RAB43: variants seen among roughly 807,000 people sequenced by gnomAD.
RAB43 encodes RAB43, member RAS oncogene family.
In RAB43, 6 loss-of-function variants were observed where a neutral mutation model predicts 18.8. The observed-to-expected ratio is 0.32, with a 90% CI of 0.17 to 0.63. RAB43 has a LOEUF of 0.63. RAB43 is among the 30% of genes least tolerant of loss of function. The pLI is 0.79. For synonymous variants in RAB43, 103 were observed against 124.1 expected, an observed-to-expected ratio of 0.83 and a Z score of 1.13; for missense variants, 195 against 289.1, an observed-to-expected ratio of 0.67 and a Z score of 2.36.
chr3:129,112,298 A>G (rs1307079936), intron 1 of RAB43, among the ~76,000 whole-genome samples: 1 of 152,040 alleles, frequency 6.6e-6, no homozygotes, highest in African/African-American at 2.4e-5. Flanking sequence ...AAAAACCCCC[A>G]AAATCAAAGT....
At chr3:129,099,731 T>C (rs761521947) in intron 1 of RAB43, among the ~76,000 whole-genome samples, 37 of 151,760 alleles carry the variant, frequency 2.4e-4, no homozygotes, top group Non-Finnish European at 5.0e-4. Context: ...CTAAAAATTA[T>C]AGTAAGTGGA....
chr3:129,092,441 G>A (rs1933723115), intron 2 of RAB43: 2 of 671,904 alleles, frequency 3.0e-6, no homozygotes, highest in East Asian at 5.7e-5. Flanking sequence ...GCTGAAGCAG[G>A]GTAATGGGTA....
intron 2 of RAB43, among the ~76,000 whole-genome samples, chr3:129,094,686 T>A (rs1933917503): frequency 6.6e-6 from 1 of 151,410 alleles, no homozygotes; most frequent in African/African-American, 2.4e-5. Flanking sequence ...GGCTAATTTT[T>A]TTTTATTTTT....
At chr3:129,115,788 T>C (rs778367880) in intron 1 of RAB43, among the ~76,000 whole-genome samples, 1 of 152,106 alleles carries the variant, frequency 6.6e-6, no homozygotes, top group Non-Finnish European at 1.5e-5. Flanking sequence ...ACCACTCCAC[T>C]CCCTCCTGGA....
At chr3:129,102,466 TA>T (rs1332717246) in intron 1 of RAB43, among the ~76,000 whole-genome samples, 1 of 151,734 alleles carries the variant, frequency 6.6e-6, no homozygotes, top group East Asian at 1.9e-4. Flanking sequence ...CCGTCTCTAC[TA>T]AAAATACAAA....
At chr3:129,096,719 G>T (rs1188137771) in intron 1 of RAB43, among the ~76,000 whole-genome samples, 1 of 152,114 alleles carries the variant, frequency 6.6e-6, no homozygotes, top group Non-Finnish European at 1.5e-5. Flanking sequence ...TTAAAAATAT[G>T]ATTAACATAC....
At position 129,107,843 on chromosome 3, in the gene RAB43, G is replaced by A. The variant is rs559782002; in HGVS notation, c.205-12674C>T. ...CCTGCTACTTTGGTCATCAACGATG[G>A]CCCAGACTGGCCTCACGAGTCCCTC... On this transcript the variant is annotated intron_variant, in intron 1 of 2. Coordinates refer to ENST00000315150, the MANE Select transcript of RAB43 (RefSeq NM_198490.3). The surrounding 1 kb of genome is among the most constrained non-coding windows in gnomAD (Gnocchi z 4.2). Among the ~76,000 whole-genome samples, 20 of 152,196 alleles carry A rather than the reference G, an allele frequency of 1.3e-4. No individual in the cohort carries two copies. Among genetic ancestry groups the A allele is most frequent in the Non-Finnish European group, 2.4e-4 (16 of 68,000 alleles).
intron 1 of RAB43, among the ~76,000 whole-genome samples, chr3:129,103,166 T>C (rs1245291585): frequency 6.6e-6 from 1 of 152,176 alleles, no homozygotes; most frequent in Non-Finnish European, 1.5e-5. Flanking sequence ...CTCTCTGCCT[T>C]GGGAGAGGCT....
chr3:129,116,733 G>A (rs529984267), intron 1 of RAB43, among the ~76,000 whole-genome samples: 2 of 152,310 alleles, frequency 1.3e-5, no homozygotes, highest in South Asian at 2.1e-4. Context: ...CATCCCTAGC[G>A]AGCAGACAGT....
chr3:129,119,080 G>A (rs995257708), intron 1 of RAB43, among the ~76,000 whole-genome samples: 8 of 152,310 alleles, frequency 5.3e-5, no homozygotes, highest in African/African-American at 1.7e-4. Flanking sequence ...AGTTTGAGAA[G>A]TTCATAGACC....
chr3:129,097,329 G>T (rs1042459624), intron 1 of RAB43, among the ~76,000 whole-genome samples: 1 of 152,118 alleles, frequency 6.6e-6, no homozygotes, highest in Admixed American at 6.6e-5. Context: ...AGAACAACAG[G>T]CAAGAAGAAA....
intron 1 of RAB43, among the ~76,000 whole-genome samples, chr3:129,113,741 A>T (rs1346935300): frequency 2.6e-5 from 4 of 152,076 alleles, no homozygotes; most frequent in South Asian, 2.1e-4. Flanking sequence ...GAAAAATCTG[A>T]TATGTGGCCA....
chr3:129,120,231 A>AT (rs1329614357), intron 1 of RAB43, among the ~76,000 whole-genome samples: 1 of 152,118 alleles, frequency 6.6e-6, no homozygotes, highest in African/African-American at 2.4e-5. Context: ...AAATTATCCC[A>AT]ATTTTATAGA....
intron 1 of RAB43, among the ~76,000 whole-genome samples, chr3:129,111,297 T>G (rs1035689153): frequency 1.3e-5 from 2 of 151,916 alleles, no homozygotes; most frequent in African/African-American, 4.8e-5. Flanking sequence ...GGCAGATCGC[T>G]TAAGGTCAGG....
intron 2 of RAB43, among the ~76,000 whole-genome samples, chr3:129,093,854 G>C (rs759796408): frequency 6.6e-6 from 1 of 152,120 alleles, no homozygotes; most frequent in African/African-American, 2.4e-5. Flanking sequence ...CAGGGAGACA[G>C]AGGTTGCAGT....
Position 129,095,126 on chromosome 3 carries a change from A to T in RAB43, c.248T>A (p.Ile83Asn), listed in dbSNP as rs1933950898. The part of the protein sequence containing the change: ...DTAGQERFRT[I>N]TQSYYRSANG... ...GGCACTGCGGTAGTAGCTCTGGGTG[A>T]TGGTGCGGAACCGCTCCTGGCCGGC... The change falls in exon 2 of 3, where the codon ATC (isoleucine) becomes AAC (asparagine). Residue 83 changes from isoleucine (I) to asparagine (N), a missense_variant. By Grantham distance (149) the Ile-to-Asn change is moderately radical. Coordinates refer to ENST00000315150, the MANE Select transcript of RAB43 (RefSeq NM_198490.3). This position sits in a 1 kb window ranked among gnomAD's most constrained non-coding sequence, Gnocchi z 4.2. 6.2e-7 allele frequency: 1 copy of T among 1,613,676 alleles called. No homozygotes were observed. The highest frequency in any genetic ancestry group is 1.3e-5 in the African/African-American group (1 of 74,912).
intron 1 of RAB43, among the ~76,000 whole-genome samples, chr3:129,100,595 G>A (rs1378507662): frequency 6.6e-6 from 1 of 152,240 alleles, no homozygotes; most frequent in East Asian, 1.9e-4. Flanking sequence ...ATTAAGGTAT[G>A]TAGGCCAACC....
Position 129,095,749 on chromosome 3 carries a change from G to GCTC in RAB43, c.205-581_205-580insGAG, listed in dbSNP as rs1559995484. ...AAGGCAGTTTCCACCAGCTGACCCAGCTTGGCCAAAGCAAGGAGCTTTGGC... is the reference window on the plus strand; with the variant it reads ...AAGGCAGTTTCCACCAGCTGACCCAGCTCCTTGGCCAAAGCAAGGAGCTTTGGC... On this transcript the variant is annotated intron_variant, in intron 1 of 2. Transcript: ENST00000315150. The surrounding 1 kb of genome is among the most constrained non-coding windows in gnomAD (Gnocchi z 4.2). Among the ~76,000 whole-genome samples, 1 of 152,194 alleles carries GCTC rather than the reference G, an allele frequency of 6.6e-6. No individual in the cohort carries two copies. The highest frequency in any genetic ancestry group is 2.4e-5 in the African/African-American group (1 of 41,456).
chr3:129,114,060 T>C (rs1165513105), intron 1 of RAB43, among the ~76,000 whole-genome samples: 2 of 152,020 alleles, frequency 1.3e-5, no homozygotes, highest in Admixed American at 1.3e-4. Flanking sequence ...AGATCTGGTA[T>C]GTAACAGCAT....
Sources: gnomAD v4.1 joint callset for allele counts (sites outside exome capture counted in the v4.1 genomes callset) on GRCh38, gnomAD v4.1.1 for gene constraint, Gnocchi (gnomAD v3.1) non-coding constraint, MANE v1.5 for transcripts, NCBI Gene and HGNC (gene_info 2026-07-23, HGNC 2026-07-21) for gene names.